AP3B1: variants seen among roughly 807,000 people sequenced by gnomAD.
The protein encoded by AP3B1 is adaptor related protein complex 3 subunit beta 1.
Under a neutral mutation model 132.5 loss-of-function variants are expected in AP3B1, and 61 were observed. That is an observed-to-expected ratio of 0.46 (90% CI 0.37 to 0.57). The LOEUF (loss-of-function observed/expected upper bound fraction) is 0.57. Ranked by LOEUF, AP3B1 falls within the 20% of genes least tolerant of loss-of-function variation. AP3B1 has a pLI of 0.00. For missense variants in AP3B1, 1,120 were observed against 1,289.4 expected, an observed-to-expected ratio of 0.87 and a Z score of 2.01; for synonymous variants, 388 against 438.3, an observed-to-expected ratio of 0.89 and a Z score of 1.43.
At chr5:78,103,297 C>T (rs1339035972) in intron 20 of AP3B1, among the ~76,000 whole-genome samples, 3 of 152,066 alleles carry the variant, frequency 2.0e-5, no homozygotes, top group Non-Finnish European at 4.4e-5. Context: ...GAGACAGAAC[C>T]TGGGTAAATG....
intron 21 of AP3B1, 31 bp downstream of exon 21, chr5:78,100,922 C>A (rs1239465024): frequency 2.3e-6 from 3 of 1,317,154 alleles, no homozygotes; most frequent in Non-Finnish European, 3.2e-6. Context: ...TTACTAAACA[C>A]AGAAGAAATA....
intron 17 of AP3B1, among the ~76,000 whole-genome samples, chr5:78,121,051 G>A (rs1017345754): frequency 2.0e-4 from 31 of 152,190 alleles, no homozygotes; most frequent in Non-Finnish European, 3.1e-4. Flanking sequence ...ACTCAAAACC[G>A]CTCAACTGCA....
intron 12 of AP3B1, 116 bp downstream of exon 12, chr5:78,165,494 C>G: frequency 1.3e-6 from 1 of 750,596 alleles, no homozygotes. Context: ...AGTTGTCAGT[C>G]TTGTCCCAAT....
At chr5:78,287,750 T>TAAAAAAAAAAA (rs58180674) in intron 1 of AP3B1, among the ~76,000 whole-genome samples, 1 of 131,752 alleles carries the variant, frequency 7.6e-6, no homozygotes, top group Non-Finnish European at 1.6e-5. Flanking sequence ...GTACCCCTTG[T>TAAAAAAAAAAA]AAAAAAAAAA....
chr5:78,020,830 T>C lies in AP3B1; in HGVS notation c.2895-41A>G, dbSNP rs769518072. ...CAAAGCTGACTAAATGCTTCATAAA[T>C]AAACATTCTTAATACTAAGTAGTTA... On this transcript the variant is annotated intron_variant, in intron 24 of 26. Transcript: ENST00000255194. 3 of 1,439,990 alleles carry C rather than the reference T, an allele frequency of 2.1e-6. No homozygotes were observed. In the Admixed American group the frequency reaches 5.1e-5, roughly 24 times the overall value. 89.2% of individuals were successfully genotyped at this position (1,439,990 alleles called of 1,614,324 possible).
intron 17 of AP3B1, among the ~76,000 whole-genome samples, chr5:78,123,400 G>A (rs1385866738): frequency 6.6e-6 from 1 of 152,140 alleles, no homozygotes; most frequent in Non-Finnish European, 1.5e-5. Flanking sequence ...TACCATCAGA[G>A]TGAACAGGCA....
intron 7 of AP3B1, among the ~76,000 whole-genome samples, chr5:78,197,686 C>T (rs547362994): frequency 6.6e-6 from 1 of 152,068 alleles, no homozygotes; most frequent in East Asian, 1.9e-4. Flanking sequence ...AAACTATGAT[C>T]TTTTGTCAGT....
intron 2 of AP3B1, among the ~76,000 whole-genome samples, chr5:78,246,920 T>C (rs942515264): frequency 1.3e-5 from 2 of 152,168 alleles, no homozygotes; most frequent in Non-Finnish European, 2.9e-5. Context: ...AGAGCACTGA[T>C]TGGAAATACT....
intron 6 of AP3B1, among the ~76,000 whole-genome samples, chr5:78,216,803 C>T (rs1023145034): frequency 3.3e-5 from 5 of 152,070 alleles, no homozygotes; most frequent in Admixed American, 2.0e-4. Flanking sequence ...AACACACTGG[C>T]TGAAATTTTA....
At chr5:78,228,750 T>C (rs1746504152) in intron 3 of AP3B1, among the ~76,000 whole-genome samples, 1 of 152,186 alleles carries the variant, frequency 6.6e-6, no homozygotes, top group African/African-American at 2.4e-5. Context: ...TATGGGAACT[T>C]GTTTCCTCAT....
chr5:78,054,277 C>A lies in AP3B1; in HGVS notation c.2578-15003G>T, dbSNP rs1580288577. Among the ~76,000 whole-genome samples, 4 of 152,260 alleles carry A rather than the reference C, an allele frequency of 2.6e-5. No homozygotes were observed. The South Asian group carries it at 8.3e-4, about 32-fold the overall frequency. ...GCACAGGTTATGAATATGAACACTGCAGTTCCCCAAGATGATGGTGGGCCA... is the reference window on the plus strand; with the variant it reads ...GCACAGGTTATGAATATGAACACTGAAGTTCCCCAAGATGATGGTGGGCCA... On this transcript the variant is annotated intron_variant, in intron 22 of 26. Transcript: ENST00000255194.
intron 23 of AP3B1, among the ~76,000 whole-genome samples, chr5:78,038,080 A>G (rs1403446903): frequency 6.6e-6 from 1 of 152,206 alleles, no homozygotes; most frequent in Admixed American, 6.5e-5. Context: ...AGCAACCTGG[A>G]AAGTGCGAGC....
chr5:78,056,432 A>AT (rs1379455831), intron 22 of AP3B1, among the ~76,000 whole-genome samples: 1 of 152,218 alleles, frequency 6.6e-6, no homozygotes, highest in Non-Finnish European at 1.5e-5. Context: ...TTATTAGTAA[A>AT]TTGAGTTTTC....
intron 7 of AP3B1, among the ~76,000 whole-genome samples, chr5:78,186,780 G>A (rs915600718): frequency 6.6e-6 from 1 of 152,092 alleles, no homozygotes; most frequent in African/African-American, 2.4e-5. Flanking sequence ...AATGTTTTAG[G>A]TTAATATCAC....
At chr5:78,077,392 T>C (rs1331117697) in intron 22 of AP3B1, among the ~76,000 whole-genome samples, 1 of 152,156 alleles carries the variant, frequency 6.6e-6, no homozygotes, top group East Asian at 1.9e-4. Flanking sequence ...GGGTCTGTGG[T>C]AGCTGGAGCT....
chr5:78,033,868 T>C (rs867573659), intron 24 of AP3B1, among the ~76,000 whole-genome samples: 4 of 149,796 alleles, frequency 2.7e-5, no homozygotes, highest in South Asian at 4.2e-4. Flanking sequence ...CAAAGCAGTT[T>C]GTAAATGGAT....
Position 78,136,839 on chromosome 5 carries a change from C to T in AP3B1, c.1650+4304G>A, listed in dbSNP as rs192271033. ...TTTTATTGTGTGATTTTGTATAGCA[C>T]AATGATTTTAGAAGCATACATGTTG... On this transcript the variant is annotated intron_variant, in intron 15 of 26. Coordinates refer to ENST00000255194, the MANE Select transcript of AP3B1 (RefSeq NM_003664.5). Among the ~76,000 whole-genome samples the T allele has an allele frequency of 2.1e-3, 321 of 151,906 alleles. 1 individual carries two copies. The highest frequency in any genetic ancestry group is 3.9e-3 in the Non-Finnish European group (268 of 67,976).
Position 78,120,240 on chromosome 5 carries a change from G to A in AP3B1, c.1969-4006C>T, listed in dbSNP as rs1308709262. 2.6e-5 allele frequency among the ~76,000 whole-genome samples: 4 copies of A among 152,150 alleles called. No individual in the cohort carries two copies. In the South Asian group the frequency reaches 6.2e-4, roughly 24 times the overall value. ...CAGTACCAGCCACTGCAAAAAACAT[G>A]CCAAAATGTAAAGACCATCAAGGCT... On this transcript the variant is annotated intron_variant, in intron 17 of 26. Transcript: ENST00000255194.
chr5:78,278,684 C>G (rs1282823129), intron 1 of AP3B1, among the ~76,000 whole-genome samples: 1 of 150,832 alleles, frequency 6.6e-6, no homozygotes, highest in Non-Finnish European at 1.5e-5. Context: ...AAACAGGGGT[C>G]CTCAACCCCC....
Sources: gnomAD v4.1 joint callset for allele counts (sites outside exome capture counted in the v4.1 genomes callset) on GRCh38, gnomAD v4.1.1 for gene constraint, MANE v1.5 for transcripts, NCBI Gene and HGNC (gene_info 2026-07-23, HGNC 2026-07-21) for gene names.